The following TCOF1 variants were observed in gnomAD, a reference collection of about 807,000 sequenced individuals.
The protein encoded by TCOF1 is treacle ribosome biogenesis factor 1.
Under a neutral mutation model 149.0 loss-of-function variants are expected in TCOF1, and 33 were observed. That is an observed-to-expected ratio of 0.22 (90% confidence interval 0.17 to 0.30). TCOF1 has a LOEUF of 0.30. Ranked by LOEUF, TCOF1 falls within the 10% of genes least tolerant of loss-of-function variation. The pLI, the probability that TCOF1 is intolerant of heterozygous loss-of-function variation, is 1.00. For synonymous variants in TCOF1, 789 were observed against 738.8 expected (o/e 1.07, Z -1.10); for missense variants, 1,728 against 1,840.7 (o/e 0.94, Z 1.12).
rs749963400 is a variant in TCOF1 at position 150,398,332 on chromosome 5, A to AACTTT, written c.4346-12_4346-8dup. 8 of 1,613,184 alleles carry AACTTT rather than the reference A, an allele frequency of 5.0e-6. No homozygotes were observed. In the Admixed American group the frequency reaches 1.3e-4, roughly 27 times the overall value. On this transcript the variant is annotated intron_variant, in intron 24 of 26. Transcript: ENST00000643257. ...TTAGGATTACCATCTGTTGTTCAGG[A>AACTTT]ACTTTACTTTACTTCCCTTAGGAAA... is the stretch of plus-strand genomic sequence containing the variant.
At chr5:150,373,407 G>A (rs1305324304) in intron 7 of TCOF1, among the ~76,000 whole-genome samples, 4 of 152,212 alleles carry the variant, frequency 2.6e-5, no homozygotes, top group Non-Finnish European at 2.9e-5. Context: ...AAAGGAGCTA[G>A]CCAAGCAAGA....
chr5:150,358,412 CAG>C (rs1448790481), intron 1 of TCOF1, among the ~76,000 whole-genome samples: 1 of 152,220 alleles, frequency 6.6e-6, no homozygotes, highest in Non-Finnish European at 1.5e-5. Context: ...ATCCGGTACT[CAG>C]GGTGCTTCCT....
At chr5:150,371,644 G>C (rs1280330533) in intron 6 of TCOF1, among the ~76,000 whole-genome samples, 9 of 152,156 alleles carry the variant, frequency 5.9e-5, no homozygotes, top group Admixed American at 5.9e-4. Context: ...TCAGATACTT[G>C]AGTTTAAGGG....
At chr5:150,363,353 G>A (rs1282238767) in intron 2 of TCOF1, among the ~76,000 whole-genome samples, 3 of 152,156 alleles carry the variant, frequency 2.0e-5, no homozygotes, top group East Asian at 1.9e-4. Flanking sequence ...AGAGTCCATC[G>A]CAGCTGGGAA....
chr5:150,378,621 G>A (rs535145094), intron 14 of TCOF1: 21 of 456,942 alleles, frequency 4.6e-5, no homozygotes, highest in African/African-American at 2.2e-4. Flanking sequence ...AGGAAGGCAC[G>A]CACAATGAGT....
intron 7 of TCOF1, among the ~76,000 whole-genome samples, chr5:150,373,433 C>T (rs1488479806): frequency 6.6e-6 from 1 of 152,226 alleles, no homozygotes; most frequent in Non-Finnish European, 1.5e-5. Context: ...GTGGAGCAGC[C>T]TGCACTTTCT....
intron 17 of TCOF1, chr5:150,380,385 T>C (rs936408924): frequency 1.3e-5 from 2 of 155,414 alleles, no homozygotes; most frequent in Admixed American, 1.3e-4. Flanking sequence ...GTTAACGTTA[T>C]ACAAAATGAC....
At chr5:150,387,766 T>G in intron 17 of TCOF1, 136 bp from the exon 18 acceptor site, 1 of 1,229,454 alleles carries the variant, frequency 8.1e-7, no homozygotes, top group Non-Finnish European at 1.1e-6. Flanking sequence ...CCTGGGCAGC[T>G]GGAATGGCTT....
chr5:150,382,611 G>GC (rs1765457996), intron 17 of TCOF1, among the ~76,000 whole-genome samples: 1 of 152,090 alleles, frequency 6.6e-6, no homozygotes, highest in African/African-American at 2.4e-5. Flanking sequence ...CATCCTTCCA[G>GC]CCCCCATCAT....
chr5:150,360,389 C>T (rs1367718873), intron 1 of TCOF1, among the ~76,000 whole-genome samples: 1 of 152,186 alleles, frequency 6.6e-6, no homozygotes, highest in Non-Finnish European at 1.5e-5. Flanking sequence ...CCATTTGGGC[C>T]CAGTCTTCTC....
At chr5:150,377,078 G>C (rs527597693) in intron 14 of TCOF1, among the ~76,000 whole-genome samples, 1 of 152,374 alleles carries the variant, frequency 6.6e-6, no homozygotes, top group South Asian at 2.1e-4. Context: ...TGGGCTGAAA[G>C]AGTTGGCCAG....
intron 4 of TCOF1, chr5:150,368,128 A>G (rs948181187): frequency 1.2e-5 from 7 of 562,524 alleles, no homozygotes; most frequent in African/African-American, 1.1e-4. Flanking sequence ...TGCCTGCTGC[A>G]GTGGGCCACT....
chr5:150,387,381 A>G (rs1462783784), intron 17 of TCOF1, among the ~76,000 whole-genome samples: 2 of 152,164 alleles, frequency 1.3e-5, no homozygotes, highest in African/African-American at 2.4e-5. Flanking sequence ...ATCCTGGGCC[A>G]TGTATCAGGA....
Position 150,379,341 on chromosome 5 carries a change from C to T in TCOF1, c.2591C>T (p.Pro864Leu). ...ACAGCAGCTCAGGCCCAGACAGGGC[C>T]AGAGGAGGACTCAGGGAGCAGTGAG... ...VATAAQAQTG[P>L]EEDSGSSEEE... The change falls in exon 16 of 27, where the codon CCA (proline) becomes CTA (leucine). Residue 864 changes from proline to leucine, a missense_variant. Physicochemically the swap from Pro to Leu is moderately conservative, Grantham distance 98. This residue lies in a region of TCOF1 where 1,696 missense variants were observed against 1,765.4 expected (regional missense o/e 0.96). Transcript: ENST00000643257. The T allele has an allele frequency of 6.2e-7, 1 of 1,614,176 alleles. No homozygotes were observed. The highest frequency in any genetic ancestry group is 8.5e-7 in the Non-Finnish European group (1 of 1,180,032).
In TCOF1 at chr5:150,376,746, AG is replaced by A. The variant is rs537417096; in HGVS notation, c.2340+127del. The A allele has an allele frequency of 6.0e-4, 554 of 930,468 alleles. 4 individuals are homozygous for A. The African/African-American group carries it at 8.3e-3, about 14-fold the overall frequency. The allele number at this position is 930,468 out of a possible 1,614,324, so 57.6% of individuals were successfully genotyped here. A position where few individuals can be genotyped will look rare whatever the true frequency, so the allele number is the denominator to read the frequency against. On this transcript the variant is annotated intron_variant, in intron 14 of 26. Coordinates refer to ENST00000643257, the MANE Select transcript of TCOF1 (RefSeq NM_001371623.1). Reference sequence around the variant, plus strand: ...GAAGCCTCAGAGGTAGCCTCAACACAGCTTCCTTCCCTATCTTTCACTCCAT... The same window carrying A: ...GAAGCCTCAGAGGTAGCCTCAACACACTTCCTTCCCTATCTTTCACTCCAT...
Position 150,375,027 on chromosome 5 carries a change from C to T in TCOF1, c.1352C>T (p.Ala451Val). The T allele has an allele frequency of 6.2e-7, 1 of 1,614,034 alleles. No individual in the cohort carries two copies. The highest frequency in any genetic ancestry group is 2.2e-5 in the East Asian group (1 of 44,868). Residue 451 changes from alanine (A) to valine (V), a missense_variant, in exon 10 of 27, where the codon GCT becomes GTT. By Grantham distance (64) the Ala-to-Val change is moderately conservative. Transcript: ENST00000643257. ...GCCAAGGAGTCCCCCAGGAAAGGGG[C>T]TGCCCCAGCACCTCCTAGGAAAACA... Reference protein sequence around the residue: ...APAKESPRKGAAPAPPRKTGP... With the variant: ...APAKESPRKGVAPAPPRKTGP...
chr5:150,381,493 A>T (rs1765166256), intron 17 of TCOF1, among the ~76,000 whole-genome samples: 2 of 152,218 alleles, frequency 1.3e-5, no homozygotes, highest in South Asian at 4.1e-4. Flanking sequence ...CAGGCACAAA[A>T]GTGGAGAAGG....
chr5:150,398,908 G>A (rs1371437444), intron 25 of TCOF1, 114 bp from the exon 26 acceptor site: 9 of 1,463,660 alleles, frequency 6.1e-6, no homozygotes, highest in Non-Finnish European at 8.6e-6. Flanking sequence ...CTTGGAGGTC[G>A]CTGCAGACCC....
chr5:150,380,290 G>A (rs1312943941), intron 17 of TCOF1: 5 of 168,040 alleles, frequency 3.0e-5, no homozygotes, highest in East Asian at 3.2e-4. Context: ...CTAGGTCGAG[G>A]TCTCCACCAG....
Sources: allele counts gnomAD v4.1 joint callset (sites outside exome capture counted in the v4.1 genomes callset), GRCh38; gene constraint gnomAD v4.1.1; regional missense constraint gnomAD v4.1.1; transcripts MANE v1.5; gene names NCBI Gene and HGNC (gene_info 2026-07-23, HGNC 2026-07-21).